Variants in ADAM32 observed in about 807,000 individuals in gnomAD.
The protein encoded by ADAM32 is disintegrin and metalloproteinase domain-containing protein 32.
Under a neutral mutation model 114.9 loss-of-function variants are expected in ADAM32, and 89 were observed. The ratio of observed to expected loss-of-function variants is 0.77; its 90% CI spans 0.65 to 0.92. ADAM32 has a LOEUF of 0.92. Ranked by LOEUF, ADAM32 falls within the 40% of genes least tolerant of loss-of-function variation. The probability of loss-of-function intolerance (pLI) is 0.00; values close to 1 mark genes in which losing one functional copy is unlikely to be tolerated. For missense variants in ADAM32, 870 were observed against 932.8 expected (o/e 0.93, Z 0.88); for synonymous variants, 285 against 307.5 (o/e 0.93, Z 0.77).
chr8:39,118,528 C>T (rs540415435), intron 2 of ADAM32, among the ~76,000 whole-genome samples: 14 of 152,184 alleles, frequency 9.2e-5, no homozygotes, highest in African/African-American at 3.4e-4. Flanking sequence ...CACCCCTACA[C>T]CTAGCAATTC....
At chr8:39,272,861 CTT>C (rs1812818222) in intron 20 of ADAM32, among the ~76,000 whole-genome samples, 1 of 152,112 alleles carries the variant, frequency 6.6e-6, no homozygotes, top group South Asian at 2.1e-4. Context: ...CTTTTTGACT[CTT>C]GTAATAACAT....
chr8:39,207,359 G>C (rs1023740156), intron 11 of ADAM32, among the ~76,000 whole-genome samples: 1 of 151,912 alleles, frequency 6.6e-6, no homozygotes, highest in African/African-American at 2.4e-5. Context: ...TTGATAATTT[G>C]ATTTATATAT....
chr8:39,236,080 A>T (rs1203534864), intron 16 of ADAM32, among the ~76,000 whole-genome samples: 5 of 152,190 alleles, frequency 3.3e-5, no homozygotes, highest in African/African-American at 4.8e-5. Flanking sequence ...TAAATAATGG[A>T]GTTGGGAATA....
intron 1 of ADAM32, among the ~76,000 whole-genome samples, chr8:39,114,993 AATTT>A (rs1165278761): frequency 2.0e-5 from 3 of 152,124 alleles, no homozygotes; most frequent in Non-Finnish European, 4.4e-5. Context: ...TTCCTGTGTT[AATTT>A]GTTTAGGATA....
chr8:39,108,526 A>G (rs189203084), intron 1 of ADAM32, among the ~76,000 whole-genome samples: 1 of 152,342 alleles, frequency 6.6e-6, no homozygotes, highest in Non-Finnish European at 1.5e-5. Flanking sequence ...TTCATTAGTA[A>G]GAGAACTGCT....
At chr8:39,256,705 C>A (rs557842370) in intron 18 of ADAM32, among the ~76,000 whole-genome samples, 1 of 152,102 alleles carries the variant, frequency 6.6e-6, no homozygotes, top group Admixed American at 6.6e-5. Context: ...GGAATCAATT[C>A]TTCTAATTTT....
chr8:39,199,978 T>C (rs1283870348), intron 11 of ADAM32, among the ~76,000 whole-genome samples: 1 of 152,224 alleles, frequency 6.6e-6, no homozygotes, highest in African/African-American at 2.4e-5. Context: ...TGCATAGTAT[T>C]CCATGGTGTA....
At chr8:39,143,538 G>A (rs554973966) in intron 3 of ADAM32, among the ~76,000 whole-genome samples, 1 of 152,286 alleles carries the variant, frequency 6.6e-6, no homozygotes, top group South Asian at 2.1e-4. Flanking sequence ...CACCAGTGGA[G>A]GCTGCAGAAC....
At chr8:39,174,105 G>A (rs898951785) in intron 10 of ADAM32, among the ~76,000 whole-genome samples, 11 of 152,320 alleles carry the variant, frequency 7.2e-5, no homozygotes, top group East Asian at 3.9e-4. Flanking sequence ...GGTTACAGGC[G>A]TGAGCCACCA....
intron 2 of ADAM32, among the ~76,000 whole-genome samples, chr8:39,128,772 G>A (rs1490513098): frequency 6.6e-6 from 1 of 152,088 alleles, no homozygotes; most frequent in Non-Finnish European, 1.5e-5. Flanking sequence ...CTTCAGTTAT[G>A]CAGCTTAGTT....
intron 9 of ADAM32, chr8:39,165,398 T>C (rs760714596): frequency 2.3e-6 from 1 of 440,022 alleles, no homozygotes; most frequent in Non-Finnish European, 3.9e-6. Context: ...TAATAAAGCT[T>C]TTATAAATGA....
chr8:39,159,861 T>A (rs1295321270), intron 6 of ADAM32, among the ~76,000 whole-genome samples: 1 of 152,180 alleles, frequency 6.6e-6, no homozygotes, highest in Non-Finnish European at 1.5e-5. Flanking sequence ...TGGGCCTCTA[T>A]CTTAATGGAT....
chr8:39,261,131 A>G (rs1356725939), intron 19 of ADAM32, among the ~76,000 whole-genome samples: 1 of 152,140 alleles, frequency 6.6e-6, no homozygotes, highest in Admixed American at 6.5e-5. Flanking sequence ...AACTATAGTC[A>G]TCCTACAGTG....
intron 12 of ADAM32, among the ~76,000 whole-genome samples, chr8:39,216,639 G>A (rs1808585170): frequency 2.0e-5 from 3 of 151,944 alleles, no homozygotes; most frequent in South Asian, 2.1e-4. Flanking sequence ...AGGTTAGCAT[G>A]AGACTAGCAA....
intron 1 of ADAM32, among the ~76,000 whole-genome samples, chr8:39,110,081 T>C (rs1233762163): frequency 6.6e-6 from 1 of 152,060 alleles, no homozygotes; most frequent in Non-Finnish European, 1.5e-5. Context: ...TACTTAATTG[T>C]TTTTTTGAGA....
At chr8:39,284,696 A>G in intron 24 of ADAM32, 97 bp from the exon 25 acceptor site, 1 of 1,358,892 alleles carries the variant, frequency 7.4e-7, no homozygotes, top group Non-Finnish European at 1.0e-6. Context: ...TTCGTGCCAC[A>G]TGAATTTTCC....
intron 3 of ADAM32, among the ~76,000 whole-genome samples, chr8:39,145,375 T>C (rs1001848630): frequency 3.9e-5 from 6 of 152,228 alleles, no homozygotes; most frequent in Admixed American, 3.9e-4. Context: ...GGCATCACAC[T>C]ACCTGAATTC....
intron 1 of ADAM32, among the ~76,000 whole-genome samples, chr8:39,117,609 T>C (rs1442626825): frequency 1.3e-5 from 2 of 152,140 alleles, no homozygotes; most frequent in African/African-American, 4.8e-5. Context: ...GTAAAAATTC[T>C]CAAGCCAGCC....
At chr8:39,141,061 T>G (rs1228710434) in intron 3 of ADAM32, among the ~76,000 whole-genome samples, 1 of 152,208 alleles carries the variant, frequency 6.6e-6, no homozygotes, top group African/African-American at 2.4e-5. Context: ...TTTTATTGCA[T>G]CTATTTGATT....
Sources: allele counts gnomAD v4.1 joint callset (sites outside exome capture counted in the v4.1 genomes callset), GRCh38; gene constraint gnomAD v4.1.1; transcripts MANE v1.5; gene names NCBI Gene and HGNC (gene_info 2026-07-23, HGNC 2026-07-21).